The following EP300 variants were observed in gnomAD, a reference collection of about 807,000 sequenced individuals.
The protein encoded by EP300 is histone acetyltransferase p300.
In EP300, 31 loss-of-function variants were observed where a neutral mutation model predicts 264.0. That is an observed-to-expected ratio of 0.12 (90% CI 0.09 to 0.16). The LOEUF (loss-of-function observed/expected upper bound fraction) is 0.16. Among genes scored for constraint, EP300 ranks in the 10% least tolerant of loss-of-function variants. The probability of loss-of-function intolerance (pLI) is 1.00; values close to 1 mark genes in which losing one functional copy is unlikely to be tolerated. For synonymous variants in EP300, 1,340 were observed against 1,045.4 expected, an observed-to-expected ratio of 1.28 and a Z score of -5.44; for missense variants, 2,766 against 3,052.9, an observed-to-expected ratio of 0.91 and a Z score of 2.21.
rs766329658 is a variant in EP300 at position 41,127,535 on chromosome 22, G to A, written c.955G>A (p.Val319Ile). 8.7e-6 allele frequency: 14 copies of A among 1,614,096 alleles called. No individual in the cohort carries two copies. The African/African-American group carries it at 1.5e-4, about 17-fold the overall frequency. ...QVQQPGLVTPVAQGMGSGAHT... is the reference protein window; with the variant it reads ...QVQQPGLVTPIAQGMGSGAHT... The stretch of plus-strand genomic sequence containing the variant: ...CCAGCAGCCAGGCCTGGTGACTCCA[G>A]TTGCCCAAGGGATGGGTTCTGGAGC... The change falls in exon 4 of 31, where the codon GTT becomes ATT. Residue 319 changes from valine to isoleucine, a missense_variant. Transcript: ENST00000263253.
rs775638492 is a variant in EP300, at chr22:41,176,235, T to A, written c.4780-12T>A. On this transcript the variant is annotated splice_polypyrimidine_tract_variant and intron_variant, in intron 29 of 30. Transcript: ENST00000263253. ...GCCCTGTCTCAAAAAAAAGAGACTG[T>A]CTGTTTTTCAGGTCTTCTTTGTGAT... 3.7e-6 allele frequency: 6 copies of A among 1,613,662 alleles called. No homozygotes were observed. Among genetic ancestry groups the A allele is most frequent in the South Asian group, 2.2e-5 (2 of 91,058 alleles).
Position 41,106,174 on chromosome 22 carries a change from T to G in EP300, c.95-11013T>G, listed in dbSNP as rs144934279. Among the ~76,000 whole-genome samples, 37 of 152,290 alleles carry G rather than the reference T, an allele frequency of 2.4e-4. 1 individual carries two copies. In the East Asian group the frequency reaches 6.9e-3, roughly 29 times the overall value. On this transcript the variant is annotated intron_variant, in intron 1 of 30. Coordinates refer to ENST00000263253, the MANE Select transcript of EP300 (RefSeq NM_001429.4). ...TTGGAACCTGATAAATTTGTAAAATTTACAAAATTTCTCATTTTAAAAGCT... is the reference window on the plus strand; with the variant it reads ...TTGGAACCTGATAAATTTGTAAAATGTACAAAATTTCTCATTTTAAAAGCT...
chr22:41,151,062 G>C (rs2059041446), intron 14 of EP300, among the ~76,000 whole-genome samples: 1 of 151,928 alleles, frequency 6.6e-6, no homozygotes, highest in African/African-American at 2.4e-5. Context: ...CTTATTAATA[G>C]AACTTTTTTT....
Position 41,177,262 on chromosome 22 carries a change from A to G in EP300, c.5551A>G (p.Thr1851Ala), listed in dbSNP as rs199771020. Reference protein sequence around the residue: ...VGQQQGLPSPTPATPTTPTGQ... With the variant: ...VGQQQGLPSPAPATPTTPTGQ... ...GCAGCAACAGGGCCTCCCTTCCCCC[A>G]CTCCTGCCACTCCAACGACACCAAC... is the stretch of plus-strand genomic sequence containing the variant. Residue 1851 changes from threonine (T) to alanine (A), a missense_variant, in exon 31 of 31, where the codon ACT (threonine) becomes GCT (alanine). Transcript: ENST00000263253. The G allele has an allele frequency of 2.5e-6, 4 of 1,610,270 alleles. No homozygotes were observed. The African/African-American group carries it at 5.4e-5, about 22-fold the overall frequency.
At chr22:41,141,902 C>G (rs927149478) in intron 10 of EP300, among the ~76,000 whole-genome samples, 1 of 152,106 alleles carries the variant, frequency 6.6e-6, no homozygotes, top group African/African-American at 2.4e-5. Context: ...ATCTCAAACT[C>G]CTGGCCTCAA....
rs1166498480 is a variant in EP300 at position 41,177,870 on chromosome 22, C to T, written c.6159C>T (p.Asn2053=). 6.2e-7 allele frequency: 1 copy of T among 1,614,198 alleles called. No homozygotes were observed. The highest frequency in any genetic ancestry group is 8.5e-7 in the Non-Finnish European group (1 of 1,180,034). Residue 2053 remains asparagine, a synonymous_variant, in exon 31 of 31, where the codon AAC becomes AAT. Coordinates refer to ENST00000263253, the MANE Select transcript of EP300 (RefSeq NM_001429.4). ...CTGTGTCTCAACAAGCCTTACAAAA[C>T]CTTTTGCGGACTCTCAGGTCTCCCA... ...PGTVSQQALQ[N]LLRTLRSPSS...
Position 41,167,816 on chromosome 22 carries a change from TTTTTTTTTTG to T in EP300, c.3875-623_3875-614del, listed in dbSNP as rs1569115891. ...TTGTTCTATTTCTGTTTGTTTTTGT[TTTTTTTTTTG>T]TTTTTTTTTTTTTTTTTTTTTTTTT... On this transcript the variant is annotated intron_variant, in intron 23 of 30. Transcript: ENST00000263253. 1.3e-3 allele frequency among the ~76,000 whole-genome samples: 61 copies of T among 48,318 alleles called. 2 individuals carry two copies. The highest frequency in any genetic ancestry group is 3.4e-3 in the African/African-American group (45 of 13,094). The allele number at this position is 48,318 out of a possible 152,430, so 31.7% of individuals were successfully genotyped here. A position where few individuals can be genotyped will look rare whatever the true frequency, so the allele number is the denominator to read the frequency against.
Position 41,131,421 on chromosome 22 carries a change from A to G in EP300, c.1316A>G (p.Asn439Ser), listed in dbSNP as rs746628829. ...ILTGAPVGLG[N>S]PSSLGVGQQS... ...ACTGGAGCACCCGTTGGACTTGGAA[A>G]TCCTAGCTCTCTAGGGGTGGGTCAA... is the stretch of plus-strand genomic sequence containing the variant. Residue 439 changes from asparagine to serine, a missense_variant, in exon 6 of 31, where the codon AAT (asparagine) becomes AGT (serine). Physicochemically the swap from Asn to Ser is conservative, Grantham distance 46. Coordinates refer to ENST00000263253, the MANE Select transcript of EP300 (RefSeq NM_001429.4). The G allele has an allele frequency of 7.4e-6, 12 of 1,613,950 alleles. No homozygotes were observed. Among genetic ancestry groups the G allele is most frequent in the Middle Eastern group, 1.7e-4 (1 of 6,058 alleles).
In EP300 at chr22:41,137,714, C is replaced by A; in HGVS notation, c.1684C>A (p.Pro562Thr). The change falls in exon 8 of 31, where the codon CCA (proline) becomes ACA (threonine). Residue 562 changes from proline to threonine, a missense_variant. Physicochemically the swap from Pro to Thr is conservative, Grantham distance 38 (BLOSUM62 -1). Transcript: ENST00000263253. ...GGGTCCTATGCCAACAGCAGCTCAA[C>A]CATCCACTACTGGAATTCGGAAACA... ...SLGPMPTAAQ[P>T]STTGIRKQWH... 6.2e-7 allele frequency: 1 copy of A among 1,614,202 alleles called. No homozygotes were observed.
chr22:41,173,503 A>G, intron 28 of EP300, 120 bp from the exon 29 acceptor site: 2 of 1,064,508 alleles, frequency 1.9e-6, no homozygotes, highest in South Asian at 2.9e-5. Context: ...AACAGCTAGT[A>G]AAATAAGTTA....
rs772407988 is a variant in EP300, at chr22:41,131,558, C to A, written c.1453C>A (p.Gln485Lys). Residue 485 changes from glutamine to lysine, a missense_variant, in exon 6 of 31, where the codon CAG becomes AAG. Coordinates refer to ENST00000263253, the MANE Select transcript of EP300 (RefSeq NM_001429.4). ...AGTAAATCAGATGCCGACACAACCCCAGGTGCAAGCAAAGAACCAGCAGAA... is the reference window on the plus strand; with the variant it reads ...AGTAAATCAGATGCCGACACAACCCAAGGTGCAAGCAAAGAACCAGCAGAA... The part of the protein sequence containing the change: ...YQVNQMPTQP[Q>K]VQAKNQQNQQ... The A allele has an allele frequency of 4.3e-6, 7 of 1,613,934 alleles. No homozygotes were observed. Among genetic ancestry groups the A allele is most frequent in the Middle Eastern group, 1.6e-4 (1 of 6,084 alleles).
chr22:41,092,654 C>G lies in EP300; in HGVS notation c.-351C>G. The G allele has an allele frequency of 1.6e-6, 1 of 630,416 alleles. No homozygotes were observed. Among genetic ancestry groups the G allele is most frequent in the Non-Finnish European group, 2.9e-6 (1 of 348,700 alleles). 39.1% of individuals were successfully genotyped at this position (630,416 alleles called of 1,614,324 possible). Reference sequence around the variant, plus strand: ...ATGGCGGCGGCGGAGCTCCGAGAGACCTCGGCTGGGCAGGGGCCGGCCGTG... The same window carrying G: ...ATGGCGGCGGCGGAGCTCCGAGAGAGCTCGGCTGGGCAGGGGCCGGCCGTG... On this transcript the variant is annotated 5_prime_UTR_variant, in exon 1 of 31. Coordinates refer to ENST00000263253, the MANE Select transcript of EP300 (RefSeq NM_001429.4).
In EP300 at chr22:41,177,527, A is replaced by G. The variant is rs1347403274; in HGVS notation, c.5816A>G (p.Gln1939Arg). Reference sequence around the variant, plus strand: ...CAGATTCAGAGAGCAGCGGAGACGCAGCGCCAGATGGCCCACGTGCAAATT... The same window carrying G: ...CAGATTCAGAGAGCAGCGGAGACGCGGCGCCAGATGGCCCACGTGCAAATT... ...AMQIQRAAET[Q>R]RQMAHVQIFQ... Residue 1939 changes from glutamine (Q) to arginine (R), a missense_variant, in exon 31 of 31, where the codon CAG becomes CGG. Transcript: ENST00000263253. 6.2e-7 allele frequency: 1 copy of G among 1,614,176 alleles called. No individual in the cohort carries two copies.
At chr22:41,122,477 T>G (rs2058858268) in intron 2 of EP300, among the ~76,000 whole-genome samples, 1 of 152,172 alleles carries the variant, frequency 6.6e-6, no homozygotes, top group Non-Finnish European at 1.5e-5. Flanking sequence ...AGAAATTATC[T>G]TCTCTGAATG....
At chr22:41,138,891 A>AT (rs1380176348) in intron 8 of EP300, among the ~76,000 whole-genome samples, 45 of 151,456 alleles carry the variant, frequency 3.0e-4, no homozygotes, top group Admixed American at 2.4e-3. Flanking sequence ...TCATTTAGGA[A>AT]TTTTTTTTTC....
At position 41,092,687 on chromosome 22, in the gene EP300, G is replaced by C; in HGVS notation, c.-318G>C. 3.2e-6 allele frequency: 2 copies of C among 615,624 alleles called. No homozygotes were observed. The highest frequency in any genetic ancestry group is 5.9e-6 in the Non-Finnish European group (2 of 340,874). 38.1% of individuals were successfully genotyped at this position (615,624 alleles called of 1,614,324 possible). Reference sequence around the variant, plus strand: ...GGGCAGGGGCCGGCCGTGGCGGGCCGGGGACTGCGCCTCTAGAGCCGCGAG... The same window carrying C: ...GGGCAGGGGCCGGCCGTGGCGGGCCCGGGACTGCGCCTCTAGAGCCGCGAG... On this transcript the variant is annotated 5_prime_UTR_variant, in exon 1 of 31. Transcript: ENST00000263253.
intron 1 of EP300, among the ~76,000 whole-genome samples, chr22:41,112,457 C>G (rs2058797808): frequency 6.6e-6 from 1 of 152,098 alleles, no homozygotes; most frequent in African/African-American, 2.4e-5. Context: ...CCTTGGCCTC[C>G]CAAAGTGCTG....
chr22:41,149,636 G>T, intron 13 of EP300, 125 bp from the exon 14 acceptor site: 1 of 1,026,886 alleles, frequency 9.7e-7, no homozygotes, highest in Non-Finnish European at 1.5e-6. Flanking sequence ...TACACATTTT[G>T]AAATAGACAC....
chr22:41,135,824 A>T lies in EP300; in HGVS notation c.1540A>T (p.Met514Leu). The T allele has an allele frequency of 6.2e-7, 1 of 1,613,100 alleles. No homozygotes were observed. The highest frequency in any genetic ancestry group is 1.3e-5 in the African/African-American group (1 of 74,978). The change falls in exon 7 of 31, where the codon ATG becomes TTG. Residue 514 changes from methionine (M) to leucine (L), a missense_variant. Transcript: ENST00000263253. ...RPMSNMSASP[M>L]GVNGGVGVQT... ...TCATTTTGACTTAGGTGCTAGTCCT[A>T]TGGGAGTAAATGGAGGTGTAGGAGT...
Sources: gnomAD v4.1 joint callset for allele counts (sites outside exome capture counted in the v4.1 genomes callset) on GRCh38, gnomAD v4.1.1 for gene constraint, MANE v1.5 for transcripts, NCBI Gene and HGNC (gene_info 2026-07-23, HGNC 2026-07-21) for gene names.